Variants in ALPK2 observed in about 807,000 individuals in gnomAD.
ALPK2 encodes the protein alpha-protein kinase 2.
ALPK2 carries 127 observed loss-of-function variants against 163.1 expected under a neutral mutation model. The ratio of observed to expected loss-of-function variants is 0.78; its 90% CI spans 0.67 to 0.90. The LOEUF (loss-of-function observed/expected upper bound fraction) is 0.90, where lower values mean the gene tolerates loss of function less well. Ranked by LOEUF, ALPK2 falls within the 40% of genes least tolerant of loss-of-function variation. The pLI is 0.00. For synonymous variants in ALPK2, 953 were observed against 959.1 expected (o/e 0.99, Z 0.12); for missense variants, 2,360 against 2,589.6 (o/e 0.91, Z 1.92).
rs760736012 is a variant in ALPK2 at position 58,535,703 on chromosome 18, A to T, written c.4484T>A (p.Leu1495Gln). 81 of 1,614,250 alleles carry T rather than the reference A, an allele frequency of 5.0e-5. 1 individual carries two copies. In the South Asian group the frequency reaches 8.9e-4, roughly 18 times the overall value. Residue 1495 changes from leucine to glutamine, a missense_variant, in exon 5 of 13, where the codon CTG becomes CAG. By Grantham distance (113) the Leu-to-Gln change is moderately radical. Coordinates refer to ENST00000361673, the MANE Select transcript of ALPK2 (RefSeq NM_052947.4). ...TCTTTCACCGCCTTCGCTGGGTTGC[A>T]GGACTTGCCAAATGGCAGTTTTTGC... ...EEAKTAIWQVLQPSEGGERIP... is the reference protein window; with the variant it reads ...EEAKTAIWQVQQPSEGGERIP...
rs752137213 is a variant in ALPK2 at position 58,536,432 on chromosome 18, C to G, written c.3755G>C (p.Arg1252Pro). 6.2e-7 allele frequency: 1 copy of G among 1,613,980 alleles called. No homozygotes were observed. The highest frequency in any genetic ancestry group is 1.3e-5 in the African/African-American group (1 of 74,910). The change falls in exon 5 of 13, where the codon CGA becomes CCA. Residue 1252 changes from arginine to proline, a missense_variant. Transcript: ENST00000361673. ...CTTGCTCTCAGAATTTGTCAGTTGT[C>G]GTGGTGGCCAGATTTCAGAAGCGGA... ...EASASEIWPP[R>P]QLTNSESKAS...
At chr18:58,540,568 T>C (rs188790959) in intron 4 of ALPK2, among the ~76,000 whole-genome samples, 95 of 152,326 alleles carry the variant, frequency 6.2e-4, no homozygotes, top group African/African-American at 1.7e-3. Context: ...TTTAAGAATA[T>C]GCTATAGCAC....
chr18:58,627,938 C>T (rs775492832), intron 1 of ALPK2, among the ~76,000 whole-genome samples: 5 of 152,162 alleles, frequency 3.3e-5, no homozygotes, highest in Non-Finnish European at 5.9e-5. Context: ...ATAAAGGCTA[C>T]CTTTACTTAA....
At chr18:58,483,182 T>C (rs1302340721) in intron 12 of ALPK2, among the ~76,000 whole-genome samples, 1 of 152,224 alleles carries the variant, frequency 6.6e-6, no homozygotes, top group African/African-American at 2.4e-5. Context: ...GCCTTCAACA[T>C]GAATCCCATG....
chr18:58,587,162 C>G (rs9950230), intron 3 of ALPK2, among the ~76,000 whole-genome samples: 47,511 of 151,946 alleles, frequency 0.31, 7,536 homozygotes, highest in Admixed American at 0.37. Context: ...TGGTTCCAGG[C>G]ATCTAAGGAA....
intron 10 of ALPK2, among the ~76,000 whole-genome samples, chr18:58,511,395 G>A (rs944175052): frequency 2.0e-5 from 3 of 152,154 alleles, no homozygotes; most frequent in Non-Finnish European, 4.4e-5. Flanking sequence ...AGCTCTGTCT[G>A]TACAGCGGAC....
At chr18:58,507,645 G>A (rs1275201235) in intron 10 of ALPK2, among the ~76,000 whole-genome samples, 1 of 152,166 alleles carries the variant, frequency 6.6e-6, no homozygotes, top group Non-Finnish European at 1.5e-5. Flanking sequence ...GGGACCTCAG[G>A]TTCTGTGATT....
chr18:58,556,899 T>A (rs2051795734), intron 4 of ALPK2, among the ~76,000 whole-genome samples: 1 of 152,166 alleles, frequency 6.6e-6, no homozygotes, highest in South Asian at 2.1e-4. Flanking sequence ...TGATGAAAGC[T>A]CATGACAAAC....
chr18:58,578,738 A>ACACACGCGCGCACGCGCGTG (rs138127797), intron 4 of ALPK2, 76 bp downstream of exon 4: 54 of 936,672 alleles, frequency 5.8e-5, no homozygotes, highest in Non-Finnish European at 7.5e-5. Flanking sequence ...GAAGAGACAC[A>ACACACGCGCGCACGCGCGTG]CACACACACA....
Position 58,538,221 on chromosome 18 carries a change from G to C in ALPK2, c.1966C>G (p.Gln656Glu). The C allele has an allele frequency of 6.2e-7, 1 of 1,607,392 alleles. No homozygotes were observed. The highest frequency in any genetic ancestry group is 1.3e-5 in the African/African-American group (1 of 74,938). The change falls in exon 5 of 13, where the codon CAA becomes GAA. Residue 656 changes from glutamine to glutamate, a missense_variant. By Grantham distance (29) the Gln-to-Glu change is conservative (BLOSUM62 2). Coordinates refer to ENST00000361673, the MANE Select transcript of ALPK2 (RefSeq NM_052947.4). ...GTCTCTCTGACTGTTTCCTGAACTT[G>C]TACCTAGGAAGATGAAAAGTGATAT... is the stretch of plus-strand genomic sequence containing the variant. The part of the protein sequence containing the change: ...VPDWSDPPQV[Q>E]VQETVRETIS...
chr18:58,511,710 C>T (rs1199560511), intron 10 of ALPK2: 1 of 152,200 alleles, frequency 6.6e-6, no homozygotes, highest in Non-Finnish European at 1.5e-5. Context: ...AGAAATTACA[C>T]CTGCGGGCCA....
At chr18:58,572,712 G>C (rs1387091873) in intron 4 of ALPK2, among the ~76,000 whole-genome samples, 1 of 152,210 alleles carries the variant, frequency 6.6e-6, no homozygotes, top group Non-Finnish European at 1.5e-5. Flanking sequence ...GGCTACCAAA[G>C]GGAGAGGGCA....
At chr18:58,614,917 C>G (rs2052157102) in intron 1 of ALPK2, among the ~76,000 whole-genome samples, 1 of 152,140 alleles carries the variant, frequency 6.6e-6, no homozygotes, top group Non-Finnish European at 1.5e-5. Context: ...CCCTCCCCCC[C>G]AACACACACA....
At chr18:58,601,116 C>T (rs1373600937) in intron 3 of ALPK2, among the ~76,000 whole-genome samples, 3 of 152,102 alleles carry the variant, frequency 2.0e-5, no homozygotes, top group East Asian at 1.9e-4. Context: ...ATTAGCCAGG[C>T]GTGGTGGCAT....
At chr18:58,483,137 G>T (rs573492677) in intron 12 of ALPK2, among the ~76,000 whole-genome samples, 1 of 152,270 alleles carries the variant, frequency 6.6e-6, no homozygotes, top group African/African-American at 2.4e-5. Flanking sequence ...GGTCCTCCTT[G>T]TCACCGCAGA....
chr18:58,541,576 C>G (rs1057410562), intron 4 of ALPK2, among the ~76,000 whole-genome samples: 3 of 152,214 alleles, frequency 2.0e-5, no homozygotes, highest in Non-Finnish European at 4.4e-5. Flanking sequence ...AATCCTTGAC[C>G]GTGTAAATTC....
At chr18:58,572,214 T>C (rs556177295) in intron 4 of ALPK2, among the ~76,000 whole-genome samples, 4 of 152,176 alleles carry the variant, frequency 2.6e-5, no homozygotes, top group African/African-American at 9.6e-5. Context: ...CACACACATA[T>C]CAGAAAGTCC....
In ALPK2 at chr18:58,482,644, T is replaced by C. The variant is rs116724826; in HGVS notation, c.6297-605A>G. Reference sequence around the variant, plus strand: ...CGCTTTGTCCCCAGGAGAAGAAGAATTTTTGTCTCTGGCAGAACCTTTGTC... The same window carrying C: ...CGCTTTGTCCCCAGGAGAAGAAGAACTTTTGTCTCTGGCAGAACCTTTGTC... On this transcript the variant is annotated intron_variant, in intron 12 of 12. Transcript: ENST00000361673. 8.1e-3 allele frequency among the ~76,000 whole-genome samples: 1,229 copies of C among 152,262 alleles called. 12 individuals are homozygous for C. Among genetic ancestry groups the C allele is most frequent in the African/African-American group, 0.028 (1,179 of 41,550 alleles).
rs557002912 is a variant in ALPK2 at position 58,524,748 on chromosome 18, C to T, written c.5502-686G>A. Among the ~76,000 whole-genome samples the T allele has an allele frequency of 3.3e-5, 5 of 152,138 alleles. No homozygotes were observed. The East Asian group carries it at 9.6e-4, about 29-fold the overall frequency. On this transcript the variant is annotated intron_variant, in intron 6 of 12. Coordinates refer to ENST00000361673, the MANE Select transcript of ALPK2 (RefSeq NM_052947.4). ...CAATTTCATGATGCCCTCAGAACAA[C>T]CTAATGAGAGAACTATGTTTACTAT... is the stretch of plus-strand genomic sequence containing the variant.
Sources: allele counts gnomAD v4.1 joint callset (sites outside exome capture counted in the v4.1 genomes callset), GRCh38; gene constraint gnomAD v4.1.1; transcripts MANE v1.5; gene names NCBI Gene and HGNC (gene_info 2026-07-23, HGNC 2026-07-21).